WWP2: variants seen among roughly 807,000 people sequenced by gnomAD.
WWP2 encodes the protein WW domain containing E3 ubiquitin protein ligase 2, also known as NEDD4-like E3 ubiquitin-protein ligase WWP2.
A neutral mutation model predicts 121.0 loss-of-function variants in WWP2; 57 were observed. The observed-to-expected ratio is 0.47, with a 90% CI of 0.38 to 0.59. The LOEUF (loss-of-function observed/expected upper bound fraction) is 0.59. WWP2 is among the 20% of genes least tolerant of loss of function. The probability of loss-of-function intolerance (pLI) is 0.00; values close to 1 mark genes in which losing one functional copy is unlikely to be tolerated. For synonymous variants in WWP2, 449 were observed against 441.3 expected (o/e 1.02, Z -0.22); for missense variants, 962 against 1,158.9 (o/e 0.83, Z 2.47).
intron 8 of WWP2, among the ~76,000 whole-genome samples, chr16:69,906,796 C>T (rs925213706): frequency 1.1e-4 from 17 of 152,166 alleles, no homozygotes; most frequent in Non-Finnish European, 1.3e-4. Flanking sequence ...AGGGGTATCA[C>T]TTGAACCCAA....
At position 69,931,486 on chromosome 16, in the gene WWP2, T is replaced by C. The variant is rs202118790; in HGVS notation, c.1522-23T>C. The C allele has an allele frequency of 4.3e-4, 695 of 1,612,538 alleles. 8 individuals carry two copies. The East Asian group carries it at 0.015, about 36-fold the overall frequency. On this transcript the variant is annotated intron_variant, in intron 14 of 23. Coordinates refer to ENST00000359154, the MANE Select transcript of WWP2 (RefSeq NM_001270454.2). Reference sequence around the variant, plus strand: ...TGACCACTTGAGGCTCGATTTAAAGTTCTTTTCTTTTTTTTTTTTCAGTCA... The same window carrying C: ...TGACCACTTGAGGCTCGATTTAAAGCTCTTTTCTTTTTTTTTTTTCAGTCA...
chr16:69,817,599 T>G (rs1018594041), intron 4 of WWP2, among the ~76,000 whole-genome samples: 1 of 151,450 alleles, frequency 6.6e-6, no homozygotes, highest in Non-Finnish European at 1.5e-5. Flanking sequence ...TTAACCAGTC[T>G]TTCATTCTTG....
intron 6 of WWP2, among the ~76,000 whole-genome samples, chr16:69,862,394 G>T (rs991948907): frequency 1.4e-5 from 2 of 147,414 alleles, no homozygotes; most frequent in South Asian, 4.3e-4. Context: ...ATGGAGTCTC[G>T]CTGTGTCACC....
chr16:69,902,775 C>T (rs1470929823), intron 8 of WWP2, among the ~76,000 whole-genome samples: 6 of 152,078 alleles, frequency 3.9e-5, no homozygotes, highest in Non-Finnish European at 7.3e-5. Flanking sequence ...CCAAGACAGT[C>T]GGAGGCTCCA....
intron 1 of WWP2, among the ~76,000 whole-genome samples, chr16:69,763,813 A>G (rs955287995): frequency 6.6e-6 from 1 of 152,230 alleles, no homozygotes; most frequent in African/African-American, 2.4e-5. Flanking sequence ...TTTGGTGAAT[A>G]AATGCATTTC....
chr16:69,787,144 C>T (rs1275349218), intron 2 of WWP2, 64 bp downstream of exon 2: 2 of 1,481,416 alleles, frequency 1.4e-6, no homozygotes. Context: ...AATCTAACCA[C>T]ACCTTGGTCT....
chr16:69,892,272 A>G (rs2058040453), intron 8 of WWP2, among the ~76,000 whole-genome samples: 3 of 152,082 alleles, frequency 2.0e-5, no homozygotes, highest in East Asian at 1.9e-4. Flanking sequence ...TACACGTGCC[A>G]TGGTGGTTTG....
chr16:69,846,245 C>G (rs1474688926), intron 6 of WWP2, among the ~76,000 whole-genome samples: 1 of 151,780 alleles, frequency 6.6e-6, no homozygotes, highest in East Asian at 1.9e-4. Context: ...TACTGTCTCA[C>G]AGTAAAAATG....
At chr16:69,773,632 C>T (rs1313745691) in intron 1 of WWP2, among the ~76,000 whole-genome samples, 1 of 152,014 alleles carries the variant, frequency 6.6e-6, no homozygotes, top group South Asian at 2.1e-4. Context: ...AGGCATGCAC[C>T]ACCATGTCTG....
At position 69,939,343 on chromosome 16, in the gene WWP2, A is replaced by G; in HGVS notation, c.2443A>G (p.Ser815Gly). Residue 815 changes from serine (S) to glycine (G), a missense_variant and splice_region_variant, in exon 23 of 24, where the codon AGC (serine) becomes GGC (glycine). Coordinates refer to ENST00000359154, the MANE Select transcript of WWP2 (RefSeq NM_001270454.2). Reference sequence around the variant, plus strand: ...GCGTGTTTTACCTTGGATCACAGGTAGCAACGGACCACAGAAGTTTTGCAT... The same window carrying G: ...GCGTGTTTTACCTTGGATCACAGGTGGCAACGGACCACAGAAGTTTTGCAT... ...PVGGFAELIG[S>G]NGPQKFCIDK... The G allele has an allele frequency of 6.2e-7, 1 of 1,614,202 alleles. No individual in the cohort carries two copies. The highest frequency in any genetic ancestry group is 8.5e-7 in the Non-Finnish European group (1 of 1,180,030).
At chr16:69,902,568 G>A (rs1250742757) in intron 8 of WWP2, among the ~76,000 whole-genome samples, 2 of 152,116 alleles carry the variant, frequency 1.3e-5, no homozygotes, top group South Asian at 2.1e-4. Flanking sequence ...GAGCATCAAC[G>A]GAAGCTATCG....
rs143752055 is a variant in WWP2 at position 69,888,096 on chromosome 16, C to T, written c.761C>T (p.Thr254Met). The T allele has an allele frequency of 1.7e-5, 27 of 1,614,100 alleles. No homozygotes were observed. The South Asian group carries it at 2.3e-4, about 14-fold the overall frequency. ...DPEEPSVVGV[T>M]SPPAAPLSVT... Reference sequence around the variant, plus strand: ...GAAGAACCTTCCGTTGTTGGTGTGACGTCCCCACCTGCTGCACCCTTGAGT... The same window carrying T: ...GAAGAACCTTCCGTTGTTGGTGTGATGTCCCCACCTGCTGCACCCTTGAGT... The change falls in exon 8 of 24, where the codon ACG becomes ATG. Residue 254 changes from threonine (T) to methionine (M), a missense_variant. Physicochemically the swap from Thr to Met is moderately conservative, Grantham distance 81. Transcript: ENST00000359154.
intron 14 of WWP2, 36 bp from the exon 15 acceptor site, chr16:69,931,473 G>A (rs1395977734): frequency 3.1e-6 from 5 of 1,612,480 alleles, no homozygotes; most frequent in Admixed American, 1.7e-5. Flanking sequence ...ACCACTTGAG[G>A]CTCGATTTAA....
At chr16:69,882,144 C>T (rs369355565) in intron 7 of WWP2, among the ~76,000 whole-genome samples, 1 of 151,586 alleles carries the variant, frequency 6.6e-6, no homozygotes, top group African/African-American at 2.4e-5. Context: ...TTAGTAGAGA[C>T]GGGGTTTCAC....
At chr16:69,896,208 A>C (rs1191089771) in intron 8 of WWP2, among the ~76,000 whole-genome samples, 3 of 152,072 alleles carry the variant, frequency 2.0e-5, no homozygotes, top group African/African-American at 2.4e-5. Context: ...TGCAGCCTCA[A>C]CTTCCTTAGC....
intron 1 of WWP2, among the ~76,000 whole-genome samples, chr16:69,767,496 G>A (rs1348627132): frequency 1.3e-5 from 2 of 152,178 alleles, no homozygotes; most frequent in Non-Finnish European, 2.9e-5. Context: ...GCTTTTGAGC[G>A]ACTTTGAGTC....
intron 9 of WWP2, among the ~76,000 whole-genome samples, chr16:69,911,841 A>T (rs1397946550): frequency 6.6e-6 from 1 of 152,208 alleles, no homozygotes; most frequent in African/African-American, 2.4e-5. Context: ...GGGAGATGTT[A>T]ATCAAAGTTT....
At chr16:69,889,252 G>C (rs2151939925) in intron 8 of WWP2, among the ~76,000 whole-genome samples, 2 of 152,320 alleles carry the variant, frequency 1.3e-5, no homozygotes, top group East Asian at 3.9e-4. Flanking sequence ...CTTGAGCCAG[G>C]AGTTAGAGGC....
At chr16:69,923,834 T>TTTAATGTGTTAACTACAAAACA (rs1275250690) in intron 10 of WWP2, among the ~76,000 whole-genome samples, 1 of 152,350 alleles carries the variant, frequency 6.6e-6, no homozygotes, top group East Asian at 1.9e-4. Flanking sequence ...GCCGAATGTT[T>TTTAATGTGTTAACTACAAAACA]TTAATGTGTT....
Sources: gnomAD v4.1 joint callset for allele counts (sites outside exome capture counted in the v4.1 genomes callset) on GRCh38, gnomAD v4.1.1 for gene constraint, MANE v1.5 for transcripts, NCBI Gene and HGNC (gene_info 2026-07-23, HGNC 2026-07-21) for gene names.